RBM5: variants seen among roughly 807,000 people sequenced by gnomAD.
RBM5 encodes RNA-binding protein 5.
A neutral mutation model predicts 124.6 loss-of-function variants in RBM5; 15 were observed. The observed-to-expected ratio is 0.12, with a 90% CI of 0.08 to 0.19. RBM5 has a LOEUF of 0.19. Among genes scored for constraint, RBM5 ranks in the 10% least tolerant of loss-of-function variants. RBM5 has a pLI of 1.00. For synonymous variants in RBM5, 337 were observed against 361.2 expected, an observed-to-expected ratio of 0.93 and a Z score of 0.76; for missense variants, 580 against 1,026.5, an observed-to-expected ratio of 0.57 and a Z score of 5.94.
Position 50,100,127 on chromosome 3 carries a change from TC to T in RBM5, c.409+81del. 7.8e-7 allele frequency: 1 copy of T among 1,284,058 alleles called. No homozygotes were observed. Among genetic ancestry groups the T allele is most frequent in the Non-Finnish European group, 1.1e-6 (1 of 905,112 alleles). 79.5% of individuals were successfully genotyped at this position (1,284,058 alleles called of 1,614,324 possible). Reference sequence around the variant, plus strand: ...CTCAGTCCCTAAAGAACATCCTGATTCCCCCAGTCTTCAAGCACATGAATTC... The same window carrying T: ...CTCAGTCCCTAAAGAACATCCTGATTCCCCAGTCTTCAAGCACATGAATTC... On this transcript the variant is annotated intron_variant, in intron 5 of 24. Transcript: ENST00000347869. The surrounding 1 kb of genome is among the most constrained non-coding windows in gnomAD (Gnocchi z 5.1).
chr3:50,113,824 T>C (rs904187579), intron 18 of RBM5, 126 bp from the exon 19 acceptor site: 2 of 1,109,046 alleles, frequency 1.8e-6, no homozygotes, highest in Non-Finnish European at 1.3e-6. Flanking sequence ...GAAATATTTG[T>C]AGGTGGAAGT....
rs755686815 is a variant in RBM5 at position 50,117,329 on chromosome 3, G to A, written c.2272G>A (p.Glu758Lys). ...GATGCTGCAGGCCATGGGCTGGCGG[G>A]AAGGCTCTGGCTTGGGACGAAAGTG... ...NKMLQAMGWREGSGLGRKCQG... is the reference protein window; with the variant it reads ...NKMLQAMGWRKGSGLGRKCQG... Residue 758 changes from glutamate (E) to lysine (K), a missense_variant, in exon 24 of 25, where the codon GAA becomes AAA. Glu to Lys is a moderately conservative substitution (Grantham distance 56). Coordinates refer to ENST00000347869, the MANE Select transcript of RBM5 (RefSeq NM_005778.4). This position sits in a 1 kb window ranked among gnomAD's most constrained non-coding sequence, Gnocchi z 4.2. 5 of 1,614,224 alleles carry A rather than the reference G, an allele frequency of 3.1e-6. No individual in the cohort carries two copies. The South Asian group carries it at 5.5e-5, about 18-fold the overall frequency.
intron 4 of RBM5, among the ~76,000 whole-genome samples, chr3:50,095,067 G>A (rs2090785649): frequency 6.6e-6 from 1 of 152,120 alleles, no homozygotes. Context: ...GTGTGGTGGT[G>A]CATACCTGTA....
At chr3:50,113,203 G>T in intron 17 of RBM5, 180 bp from the exon 18 acceptor site, 1 of 531,730 alleles carries the variant, frequency 1.9e-6, no homozygotes, top group Non-Finnish European at 3.3e-6. Context: ...CTCTAGCAGT[G>T]TCACACCTCT....
chr3:50,118,313 G>A lies in RBM5; in HGVS notation c.2323-18G>A, dbSNP rs1474501001. Reference sequence around the variant, plus strand: ...CCCATACCCTACCTCCCAGCTGACAGTCTCTGTGCTTTCCCAGGCTCAAGT... The same window carrying A: ...CCCATACCCTACCTCCCAGCTGACAATCTCTGTGCTTTCCCAGGCTCAAGT... On this transcript the variant is annotated intron_variant, in intron 24 of 24. Transcript: ENST00000347869. 7 of 1,613,986 alleles carry A rather than the reference G, an allele frequency of 4.3e-6. No individual in the cohort carries two copies. The highest frequency in any genetic ancestry group is 5.9e-6 in the Non-Finnish European group (7 of 1,179,886).
At chr3:50,105,240 C>A in intron 9 of RBM5, 98 bp downstream of exon 9, 1 of 1,055,632 alleles carries the variant, frequency 9.5e-7, no homozygotes, top group Non-Finnish European at 1.4e-6. Flanking sequence ...AACCCTGTCT[C>A]TACTAAAAAT....
chr3:50,097,721 G>C (rs1470899802), intron 4 of RBM5, among the ~76,000 whole-genome samples: 1 of 152,138 alleles, frequency 6.6e-6, no homozygotes, highest in African/African-American at 2.4e-5. Flanking sequence ...CCCAATTAAT[G>C]TTTGATTTAT....
chr3:50,117,233 G>A lies in RBM5; in HGVS notation c.2193-17G>A. The A allele has an allele frequency of 6.2e-7, 1 of 1,614,188 alleles. No individual in the cohort carries two copies. Among genetic ancestry groups the A allele is most frequent in the Non-Finnish European group, 8.5e-7 (1 of 1,180,004 alleles). On this transcript the variant is annotated splice_polypyrimidine_tract_variant and intron_variant, in intron 23 of 24. Transcript: ENST00000347869. This position sits in a 1 kb window ranked among gnomAD's most constrained non-coding sequence, Gnocchi z 4.2. ...GGCCCTGGCTGTTTTAAGTAACTGT[G>A]TGTTTGCCACTGGCAGGAATTACGA...
Position 50,118,839 on chromosome 3 carries a change from G to T in RBM5, c.*383G>T, listed in dbSNP as rs1345337854. Reference sequence around the variant, plus strand: ...CAAAGCCACCTCTGTCATTTGTTGTGATGTCTTTTCTTGGCAAAAGCCTTG... The same window carrying T: ...CAAAGCCACCTCTGTCATTTGTTGTTATGTCTTTTCTTGGCAAAAGCCTTG... On this transcript the variant is annotated 3_prime_UTR_variant, in exon 25 of 25. Transcript: ENST00000347869. The T allele has an allele frequency of 1.1e-5, 2 of 183,616 alleles. No individual in the cohort carries two copies. The highest frequency in any genetic ancestry group is 2.3e-5 in the Non-Finnish European group (2 of 87,752). The allele number at this position is 183,616 out of a possible 1,614,324, so 11.4% of individuals were successfully genotyped here.
At chr3:50,094,153 ATAATT>A (rs1169279663) in intron 4 of RBM5, 1 of 227,384 alleles carries the variant, frequency 4.4e-6, no homozygotes, top group East Asian at 8.6e-5. Context: ...AACACTTTAA[ATAATT>A]TTTTTTTTTT....
chr3:50,117,373 C>T lies in RBM5; in HGVS notation c.2316C>T (p.Pro772=), dbSNP rs2091272813. 2 of 1,613,930 alleles carry T rather than the reference C, an allele frequency of 1.2e-6. No homozygotes were observed. The highest frequency in any genetic ancestry group is 8.5e-7 in the Non-Finnish European group (1 of 1,180,024). ...GAAAGTGTCAAGGCATTACGGCTCCCATTGAGGTAAGCAGTGGGGTCAGGT... is the reference window on the plus strand; with the variant it reads ...GAAAGTGTCAAGGCATTACGGCTCCTATTGAGGTAAGCAGTGGGGTCAGGT... ...LGRKCQGITA[P]IEAQVRLKGA... is the part of the protein sequence containing the mutation. The change falls in exon 24 of 25, where the codon CCC becomes CCT. Residue 772 remains proline (P), a synonymous_variant. Coordinates refer to ENST00000347869, the MANE Select transcript of RBM5 (RefSeq NM_005778.4). This position sits in a 1 kb window ranked among gnomAD's most constrained non-coding sequence, Gnocchi z 4.2.
At chr3:50,113,187 T>A in intron 17 of RBM5, 196 bp from the exon 18 acceptor site, 1 of 462,776 alleles carries the variant, frequency 2.2e-6, no homozygotes, top group Non-Finnish European at 3.8e-6. Context: ...TCATATTCTA[T>A]TTTTACTCTA....
Position 50,099,957 on chromosome 3 carries a change from G to A in RBM5, c.340-25G>A, listed in dbSNP as rs747402412. 6.2e-6 allele frequency: 10 copies of A among 1,604,690 alleles called. No homozygotes were observed. In the South Asian group the frequency reaches 1.0e-4, roughly 16 times the overall value. On this transcript the variant is annotated intron_variant, in intron 4 of 24. Transcript: ENST00000347869. ...ATAGTGTGTGGCAAAAGCTTTAACT[G>A]TAAATAATGTAAAACCCTGTGCAGA...
chr3:50,117,239 G>A lies in RBM5; in HGVS notation c.2193-11G>A, dbSNP rs1302369173. 6.2e-7 allele frequency: 1 copy of A among 1,614,178 alleles called. No homozygotes were observed. The highest frequency in any genetic ancestry group is 1.3e-5 in the African/African-American group (1 of 75,058). ...GGCTGTTTTAAGTAACTGTGTGTTT[G>A]CCACTGGCAGGAATTACGAGCAACC... On this transcript the variant is annotated splice_polypyrimidine_tract_variant and intron_variant, in intron 23 of 24. Coordinates refer to ENST00000347869, the MANE Select transcript of RBM5 (RefSeq NM_005778.4). This position sits in a 1 kb window ranked among gnomAD's most constrained non-coding sequence, Gnocchi z 4.2.
Position 50,105,160 on chromosome 3 carries a change from CT to C in RBM5, c.694+22del. On this transcript the variant is annotated intron_variant, in intron 9 of 24. Transcript: ENST00000347869. ...CTGTGATAGTAAGTTCATACACGAT[CT>C]TTTGGTCTTCATGTTAAAAATTGAC... 1 of 1,550,052 alleles carries C rather than the reference CT, an allele frequency of 6.5e-7. No individual in the cohort carries two copies. The highest frequency in any genetic ancestry group is 8.9e-7 in the Non-Finnish European group (1 of 1,123,584).
In RBM5 at chr3:50,117,899, G is replaced by A. The variant is rs2091287319; in HGVS notation, c.2323-432G>A. 2 of 180,076 alleles carry A rather than the reference G, an allele frequency of 1.1e-5. No individual in the cohort carries two copies. The highest frequency in any genetic ancestry group is 1.1e-4 in the Admixed American group (2 of 18,620). 11.2% of individuals were successfully genotyped at this position (180,076 alleles called of 1,614,324 possible). On this transcript the variant is annotated intron_variant, in intron 24 of 24. Coordinates refer to ENST00000347869, the MANE Select transcript of RBM5 (RefSeq NM_005778.4). This position sits in a 1 kb window ranked among gnomAD's most constrained non-coding sequence, Gnocchi z 4.2. The stretch of plus-strand genomic sequence containing the variant: ...CCCTACCCACTGGCCTTCTAGGCAG[G>A]AGCTCCACCCGTAATTGCCCCTGCT...
In RBM5 at chr3:50,100,202, T is replaced by A; in HGVS notation, c.409+151T>A. The A allele has an allele frequency of 1.3e-6, 1 of 741,792 alleles. No homozygotes were observed. The highest frequency in any genetic ancestry group is 2.1e-6 in the Non-Finnish European group (1 of 467,354). 46.0% of individuals were successfully genotyped at this position (741,792 alleles called of 1,614,324 possible). A position where few individuals can be genotyped will look rare whatever the true frequency, so the allele number is the denominator to read the frequency against. ...AAGGAATGTGACTCTTTGAAAACCA[T>A]GTTAGCATCTGAGGAACTTTTTTAA... On this transcript the variant is annotated intron_variant, in intron 5 of 24. Transcript: ENST00000347869. The surrounding 1 kb of genome is among the most constrained non-coding windows in gnomAD (Gnocchi z 5.1).
intron 3 of RBM5, 106 bp from the exon 4 acceptor site, chr3:50,093,614 G>A: frequency 1.6e-6 from 2 of 1,259,870 alleles, no homozygotes; most frequent in Non-Finnish European, 2.2e-6. Context: ...TGGAGTGCTT[G>A]TGTAATCTCT....
intron 3 of RBM5, chr3:50,092,843 G>A (rs1165786677): frequency 2.7e-6 from 1 of 365,278 alleles, no homozygotes; most frequent in East Asian, 8.0e-5. Context: ...GAGCCCAGGA[G>A]TTAGAGGCCA....
Sources: gnomAD v4.1 joint callset for allele counts (sites outside exome capture counted in the v4.1 genomes callset) on GRCh38, gnomAD v4.1.1 for gene constraint, Gnocchi (gnomAD v3.1) non-coding constraint, MANE v1.5 for transcripts, NCBI Gene and HGNC (gene_info 2026-07-23, HGNC 2026-07-21) for gene names.